The following HTR4 variants were observed in gnomAD, a reference collection of about 807,000 sequenced individuals.
The protein encoded by HTR4 is 5-hydroxytryptamine receptor 4.
In HTR4, 16 loss-of-function variants were observed where a neutral mutation model predicts 36.8. The ratio of observed to expected loss-of-function variants is 0.43; its 90% CI spans 0.29 to 0.66. The LOEUF (loss-of-function observed/expected upper bound fraction) is 0.66, where lower values mean the gene tolerates loss of function less well. Ranked by LOEUF, HTR4 falls within the 30% of genes least tolerant of loss-of-function variation. The probability of loss-of-function intolerance (pLI) is 0.13; values close to 1 mark genes in which losing one functional copy is unlikely to be tolerated. For missense variants in HTR4, 438 were observed against 490.9 expected, an observed-to-expected ratio of 0.89 and a Z score of 1.02; for synonymous variants, 189 against 185.1, an observed-to-expected ratio of 1.02 and a Z score of -0.17.
intron 4 of HTR4, among the ~76,000 whole-genome samples, chr5:148,526,164 C>A (rs759794682): frequency 2.6e-5 from 4 of 152,142 alleles, no homozygotes; most frequent in Non-Finnish European, 5.9e-5. Context: ...TGTTCTAAGC[C>A]ATCCAGTGTG....
At chr5:148,583,631 A>G (rs1761233763) in intron 2 of HTR4, among the ~76,000 whole-genome samples, 1 of 151,766 alleles carries the variant, frequency 6.6e-6, no homozygotes, top group East Asian at 1.9e-4. Flanking sequence ...CATCATCATC[A>G]TCATCATCAT....
chr5:148,574,676 C>T (rs1306593336), intron 2 of HTR4, among the ~76,000 whole-genome samples: 1 of 152,074 alleles, frequency 6.6e-6, no homozygotes, highest in Non-Finnish European at 1.5e-5. Flanking sequence ...TCTTTCAAAG[C>T]TGACCTCATC....
At chr5:148,565,885 A>C (rs1370263469) in intron 2 of HTR4, among the ~76,000 whole-genome samples, 1 of 152,198 alleles carries the variant, frequency 6.6e-6, no homozygotes, top group East Asian at 1.9e-4. Flanking sequence ...CTCATTTGGA[A>C]AAGCTGGCTG....
intron 2 of HTR4, among the ~76,000 whole-genome samples, chr5:148,580,565 A>T (rs6580557): frequency 6.6e-6 from 1 of 151,924 alleles, no homozygotes; most frequent in African/African-American, 2.4e-5. Flanking sequence ...TCATTTTATT[A>T]TCTACTTCTA....
At chr5:148,473,324 T>TAGA (rs1755618522), downstream of HTR4, among the ~76,000 whole-genome samples, 1 of 140,754 alleles carries the variant, frequency 7.1e-6, no homozygotes, top group Non-Finnish European at 1.5e-5. Flanking sequence ...AAAAAAGAGG[T>TAGA]AGAAGATAGC....
rs531202705 is a variant in HTR4 at position 148,528,716 on chromosome 5, C to T, written c.354-5370G>A. On this transcript the variant is annotated intron_variant, in intron 4 of 6. Transcript: ENST00000377888. ...GTTCCTATATTTGGATTATAATGTC[C>T]CCGTTAATAACAAAAAGGAAACTGA... 4.0e-5 allele frequency among the ~76,000 whole-genome samples: 6 copies of T among 151,834 alleles called. 1 individual carries two copies. Among genetic ancestry groups the T allele is most frequent in the African/African-American group, 1.4e-4 (6 of 41,396 alleles).
chr5:148,508,470 AC>A (rs1757328439), intron 6 of HTR4, among the ~76,000 whole-genome samples: 1 of 152,274 alleles, frequency 6.6e-6, no homozygotes, highest in Non-Finnish European at 1.5e-5. Flanking sequence ...CACTTATGTG[AC>A]CTTGGGGAAA....
intron 6 of HTR4, chr5:148,484,356 T>A: frequency 6.2e-7 from 1 of 1,612,748 alleles, no homozygotes; most frequent in South Asian, 1.1e-5. Flanking sequence ...TGCTAAAATG[T>A]CTCTGTCAAA....
intron 2 of HTR4, among the ~76,000 whole-genome samples, chr5:148,560,278 T>C (rs1024865915): frequency 8.0e-5 from 12 of 150,098 alleles, no homozygotes; most frequent in Admixed American, 6.7e-4. Context: ...ATATGAAGCA[T>C]CAGAGCAGTG....
downstream of HTR4, among the ~76,000 whole-genome samples, chr5:148,478,143 A>C (rs1030112516): frequency 1.3e-5 from 2 of 152,224 alleles, no homozygotes; most frequent in Admixed American, 1.3e-4. Context: ...GTCGGTGTTC[A>C]GAAAATCTCT....
chr5:148,528,989 T>G (rs1009284979), intron 4 of HTR4, among the ~76,000 whole-genome samples: 2 of 150,166 alleles, frequency 1.3e-5, no homozygotes, highest in African/African-American at 4.9e-5. Flanking sequence ...ACGATTATTT[T>G]GCACCAACCT....
intron 5 of HTR4, among the ~76,000 whole-genome samples, chr5:148,451,512 T>C (rs181721050): frequency 7.9e-5 from 12 of 152,066 alleles, no homozygotes; most frequent in East Asian, 7.7e-4. Flanking sequence ...TAGGAGTGCA[T>C]AGGGGGTAAG....
At chr5:148,469,796 AAAC>A (rs1359592381) in intron 5 of HTR4, among the ~76,000 whole-genome samples, 2 of 152,188 alleles carry the variant, frequency 1.3e-5, no homozygotes, top group South Asian at 2.1e-4. Context: ...GAAAACTAAC[AAAC>A]AACAGATCCT....
At chr5:148,492,242 C>G (rs1191365026) in intron 6 of HTR4, among the ~76,000 whole-genome samples, 1 of 152,170 alleles carries the variant, frequency 6.6e-6, no homozygotes, top group Non-Finnish European at 1.5e-5. Flanking sequence ...GGAATGTGCT[C>G]AACTTGTTTG....
At position 148,471,460 on chromosome 5, in the gene HTR4, T is replaced by C. The variant is rs534236310; in HGVS notation, c.1077-20188A>G. Among the ~76,000 whole-genome samples, 15 of 152,318 alleles carry C rather than the reference T, an allele frequency of 9.8e-5. No individual in the cohort carries two copies. In the East Asian group the frequency reaches 2.9e-3, roughly 29 times the overall value. On this transcript the variant is annotated intron_variant, in intron 5 of 5. Transcript: ENST00000521530. ...CCTTGTAAAGGAAGGCAATAATATA[T>C]TCCTTAATCCAGTTTCTAGGGAACC...
intron 6 of HTR4, among the ~76,000 whole-genome samples, chr5:148,500,979 T>C (rs531106126): frequency 3.9e-5 from 6 of 151,984 alleles, no homozygotes; most frequent in Non-Finnish European, 8.8e-5. Flanking sequence ...TACCTGTCAA[T>C]ACAGCAATTT....
chr5:148,497,526 T>C (rs1041550823), intron 6 of HTR4, among the ~76,000 whole-genome samples: 1 of 152,238 alleles, frequency 6.6e-6, no homozygotes, highest in Non-Finnish European at 1.5e-5. Context: ...CAAGAGATGA[T>C]AAGACATCAT....
chr5:148,628,860 C>T (rs1380718631), intron 2 of HTR4: 3 of 152,162 alleles, frequency 2.0e-5, no homozygotes, highest in Non-Finnish European at 4.4e-5. Context: ...ACAGCCTGTG[C>T]TTGCAAAGTG....
At chr5:148,471,376 C>T (rs1297439863) in intron 5 of HTR4, among the ~76,000 whole-genome samples, 2 of 152,110 alleles carry the variant, frequency 1.3e-5, no homozygotes, top group African/African-American at 4.8e-5. Context: ...TTCAATCATT[C>T]CCCAATATCT....
Sources: allele counts gnomAD v4.1 joint callset (sites outside exome capture counted in the v4.1 genomes callset), GRCh38; gene constraint gnomAD v4.1.1; transcripts MANE v1.5; gene names NCBI Gene and HGNC (gene_info 2026-07-23, HGNC 2026-07-21).